Variants in ACSM1 observed in about 807,000 individuals in gnomAD.
ACSM1 encodes the protein acyl-CoA synthetase medium chain family member 1.
ACSM1 carries 79 observed loss-of-function variants against 75.8 expected under a neutral mutation model. The ratio of observed to expected loss-of-function variants is 1.04; its 90% CI spans 0.87 to 1.26. ACSM1 has a LOEUF of 1.26. ACSM1 is among the 50% of genes most tolerant of loss of function. The pLI is 0.00. For missense variants in ACSM1, 676 were observed against 720.1 expected (o/e 0.94, Z 0.70); for synonymous variants, 279 against 265.8 (o/e 1.05, Z -0.48).
chr16:20,670,904 T>C (rs1235283547), intron 5 of ACSM1, among the ~76,000 whole-genome samples: 1 of 152,176 alleles, frequency 6.6e-6, no homozygotes, highest in Non-Finnish European at 1.5e-5. Context: ...TGTTAATACA[T>C]TAAAAAATAT....
intron 7 of ACSM1, among the ~76,000 whole-genome samples, chr16:20,646,862 A>G (rs931917622): frequency 1.5e-4 from 23 of 152,226 alleles, no homozygotes; most frequent in Non-Finnish European, 7.3e-5. Flanking sequence ...TTAGGCCCCA[A>G]AATTCTCCTT....
Position 20,655,253 on chromosome 16 carries a change from TG to T in ACSM1, c.992+6540del, listed in dbSNP as rs1054324387. The stretch of plus-strand genomic sequence containing the variant: ...TCACACACCAGGGCCTGTTGTGGGG[TG>T]GGGGGAGGGGGGAGGGAGCACATTA... On this transcript the variant is annotated intron_variant, in intron 7 of 13. Transcript: ENST00000520010. Among the ~76,000 whole-genome samples, 11 of 62,170 alleles carry T rather than the reference TG, an allele frequency of 1.8e-4. No individual in the cohort carries two copies. The Admixed American group carries it at 2.6e-3, about 15-fold the overall frequency. 40.8% of individuals were successfully genotyped at this position (62,170 alleles called of 152,430 possible). A position where few individuals can be genotyped will look rare whatever the true frequency, so the allele number is the denominator to read the frequency against.
chr16:20,655,007 A>G (rs1158245991), intron 7 of ACSM1, among the ~76,000 whole-genome samples: 1 of 152,144 alleles, frequency 6.6e-6, no homozygotes, highest in Admixed American at 6.5e-5. Context: ...CCAAATGTCC[A>G]AAAATGATAG....
At chr16:20,684,322 G>A (rs1291019284) in intron 3 of ACSM1, among the ~76,000 whole-genome samples, 1 of 152,110 alleles carries the variant, frequency 6.6e-6, no homozygotes, top group Non-Finnish European at 1.5e-5. Flanking sequence ...AATCGCTTAA[G>A]GATCACACAA....
rs564643530 is a variant in ACSM1, at chr16:20,668,099, C to T, written c.912+1728G>A. On this transcript the variant is annotated intron_variant, in intron 6 of 13. Coordinates refer to ENST00000520010, the MANE Select transcript of ACSM1 (RefSeq NM_001318890.3). ...CTGGGTCATGAGAATATTCTTACTC[C>T]AAACCTCAGAATCATGCAATATACT... 1.1e-4 allele frequency among the ~76,000 whole-genome samples: 17 copies of T among 152,190 alleles called. No individual in the cohort carries two copies. The South Asian group carries it at 3.5e-3, about 32-fold the overall frequency.
At chr16:20,663,039 G>C (rs910396272) in intron 6 of ACSM1, among the ~76,000 whole-genome samples, 39 of 152,226 alleles carry the variant, frequency 2.6e-4, no homozygotes, top group African/African-American at 8.9e-4. Context: ...AACATGTCCT[G>C]GGTCCAGGGC....
intron 8 of ACSM1, 116 bp downstream of exon 8, chr16:20,640,345 C>A: frequency 8.2e-7 from 1 of 1,223,798 alleles, no homozygotes; most frequent in African/African-American, 1.5e-5. Flanking sequence ...CCCTCAAAAT[C>A]ATCTTTGGGG....
intron 2 of ACSM1, 136 bp from the exon 3 acceptor site, chr16:20,685,539 C>T: frequency 2.5e-6 from 2 of 803,328 alleles, no homozygotes; most frequent in South Asian, 3.3e-5. Flanking sequence ...AACATTTATA[C>T]AGCCAGGCGC....
chr16:20,658,741 G>A (rs935122973), intron 7 of ACSM1, among the ~76,000 whole-genome samples: 1 of 152,168 alleles, frequency 6.6e-6, no homozygotes, highest in African/African-American at 2.4e-5. Flanking sequence ...TTGAGGAACA[G>A]GTGTTTCTTG....
intron 2 of ACSM1, among the ~76,000 whole-genome samples, chr16:20,690,238 C>T (rs1360018515): frequency 6.6e-6 from 1 of 152,112 alleles, no homozygotes; most frequent in Admixed American, 6.5e-5. Flanking sequence ...CTCTTCTGTA[C>T]AAAGACAGTG....
In ACSM1 at chr16:20,682,144, G is replaced by A. The variant is rs530706162; in HGVS notation, c.611+112C>T. 5 of 999,494 alleles carry A rather than the reference G, an allele frequency of 5.0e-6. No homozygotes were observed. In the Admixed American group the frequency reaches 1.2e-4, roughly 23 times the overall value. 61.9% of individuals were successfully genotyped at this position (999,494 alleles called of 1,614,324 possible). A position where few individuals can be genotyped will look rare whatever the true frequency, so the allele number is the denominator to read the frequency against. ...CTTTGGATGTTAATCTGACTGGGCT[G>A]GTGCACCTAAATAATAAATACATCC... On this transcript the variant is annotated intron_variant, in intron 4 of 13. Coordinates refer to ENST00000520010, the MANE Select transcript of ACSM1 (RefSeq NM_001318890.3).
intron 6 of ACSM1, among the ~76,000 whole-genome samples, chr16:20,663,847 C>T (rs1026710336): frequency 3.9e-5 from 6 of 152,104 alleles, no homozygotes; most frequent in Admixed American, 6.6e-5. Flanking sequence ...CACTAAGCTA[C>T]GTTGAAGTAG....
At chr16:20,661,264 T>C (rs1596875530) in intron 7 of ACSM1, among the ~76,000 whole-genome samples, 1 of 152,116 alleles carries the variant, frequency 6.6e-6, no homozygotes, top group Non-Finnish European at 1.5e-5. Flanking sequence ...CAGGGACACA[T>C]CTTAGAAACA....
At chr16:20,640,404 T>G in intron 8 of ACSM1, 57 bp downstream of exon 8, 2 of 1,603,152 alleles carry the variant, frequency 1.2e-6, no homozygotes, top group Non-Finnish European at 1.7e-6. Flanking sequence ...CTTAGCAAAA[T>G]AATCTTTTAA....
chr16:20,697,614 C>T (rs1033571706), intron 1 of ACSM1, 22 bp downstream of exon 1: 2 of 150,878 alleles, frequency 1.3e-5, no homozygotes, highest in African/African-American at 4.9e-5. Flanking sequence ...CAGATAGAAG[C>T]TGACCTTCAC....
intron 7 of ACSM1, among the ~76,000 whole-genome samples, chr16:20,650,943 T>C (rs1471762836): frequency 6.6e-6 from 1 of 152,200 alleles, no homozygotes; most frequent in African/African-American, 2.4e-5. Context: ...ACCATTTGGA[T>C]CTAACCGCTT....
chr16:20,623,774 G>A (rs911947886), intron 13 of ACSM1, among the ~76,000 whole-genome samples: 4 of 152,222 alleles, frequency 2.6e-5, no homozygotes, highest in Non-Finnish European at 5.9e-5. Flanking sequence ...TTTGACCCAG[G>A]AGATGTGAGT....
chr16:20,640,380 T>C (rs548573982), intron 8 of ACSM1, 81 bp downstream of exon 8: 1 of 1,509,458 alleles, frequency 6.6e-7, no homozygotes, highest in East Asian at 2.3e-5. Flanking sequence ...GTTTCCCAGA[T>C]GCGTGTCATT....
intron 6 of ACSM1, among the ~76,000 whole-genome samples, chr16:20,668,123 C>G (rs1449847119): frequency 6.6e-6 from 1 of 152,092 alleles, no homozygotes; most frequent in African/African-American, 2.4e-5. Context: ...ATGCAATATA[C>G]TCATGTAACG....
Sources: gnomAD v4.1 joint callset for allele counts (sites outside exome capture counted in the v4.1 genomes callset) on GRCh38, gnomAD v4.1.1 for gene constraint, MANE v1.5 for transcripts, NCBI Gene and HGNC (gene_info 2026-07-23, HGNC 2026-07-21) for gene names.